CCDC141: variants seen among roughly 807,000 people sequenced by gnomAD.
CCDC141 encodes the protein coiled-coil domain-containing protein 141.
Under a neutral mutation model 181.0 loss-of-function variants are expected in CCDC141, and 168 were observed. The ratio of observed to expected loss-of-function variants is 0.93; its 90% CI spans 0.82 to 1.05. The LOEUF is 1.05. Ranked by LOEUF, CCDC141 falls within the 50% of genes least tolerant of loss-of-function variation. The pLI is 0.00. For missense variants in CCDC141, 1,902 were observed against 1,788.5 expected, an observed-to-expected ratio of 1.06 and a Z score of -1.14; for synonymous variants, 666 against 642.3, an observed-to-expected ratio of 1.04 and a Z score of -0.56.
At position 178,969,312 on chromosome 2, in the gene CCDC141, T is replaced by C. The variant is rs540190187; in HGVS notation, c.526+5745A>G. Among the ~76,000 whole-genome samples, 6 of 151,680 alleles carry C rather than the reference T, an allele frequency of 4.0e-5. No individual in the cohort carries two copies. The South Asian group carries it at 1.2e-3, about 32-fold the overall frequency. On this transcript the variant is annotated intron_variant, in intron 4 of 23. Coordinates refer to ENST00000443758, the MANE Select transcript of CCDC141 (RefSeq NM_173648.4). ...GAGACACAACAAAAAAGAAAATTTT[T>C]TTCTTTTAGAGCCCACAAATGGGAC...
chr2:178,834,462 T>C (rs1465823206), intron 23 of CCDC141, 22 bp from the exon 24 acceptor site: 1 of 1,533,766 alleles, frequency 6.5e-7, no homozygotes, highest in Non-Finnish European at 8.7e-7. Flanking sequence ...AGGCAGTTTT[T>C]AAAGTCAGGA....
intron 17 of CCDC141, among the ~76,000 whole-genome samples, chr2:178,859,768 A>C (rs1270486164): frequency 6.6e-6 from 1 of 152,218 alleles, no homozygotes; most frequent in Non-Finnish European, 1.5e-5. Context: ...TAGCAGAATG[A>C]GCATCTTTGC....
At chr2:178,960,082 G>C (rs1471434031) in intron 5 of CCDC141, among the ~76,000 whole-genome samples, 1 of 152,220 alleles carries the variant, frequency 6.6e-6, no homozygotes, top group Non-Finnish European at 1.5e-5. Flanking sequence ...ATAGAGGCCA[G>C]CAATGCTGCT....
At chr2:179,022,490 T>C (rs2042717168) in intron 2 of CCDC141, among the ~76,000 whole-genome samples, 1 of 152,194 alleles carries the variant, frequency 6.6e-6, no homozygotes, top group Non-Finnish European at 1.5e-5. Context: ...CTCTCTTCCC[T>C]GCCCCAAACA....
In CCDC141 at chr2:178,888,589, G is replaced by A; in HGVS notation, c.1345C>T (p.His449Tyr). The change falls in exon 9 of 24, where the codon CAC (histidine) becomes TAC (tyrosine). Residue 449 changes from histidine (H) to tyrosine (Y), a missense_variant. By Grantham distance (83) the His-to-Tyr change is moderately conservative. Transcript: ENST00000443758. ...VDHLTEQCSAHKEYALKKQQL... is the reference protein window; with the variant it reads ...VDHLTEQCSAYKEYALKKQQL... Reference sequence around the variant, plus strand: ...TGTTTCTTAAGAGCATATTCCTTGTGCGCTGAACACTGTTCGGTCAGATGA... The same window carrying A: ...TGTTTCTTAAGAGCATATTCCTTGTACGCTGAACACTGTTCGGTCAGATGA... The A allele has an allele frequency of 1.3e-6, 2 of 1,550,606 alleles. No individual in the cohort carries two copies. The highest frequency in any genetic ancestry group is 1.7e-6 in the Non-Finnish European group (2 of 1,146,848).
At chr2:178,894,234 T>C (rs1420520537) in intron 8 of CCDC141, among the ~76,000 whole-genome samples, 1 of 152,060 alleles carries the variant, frequency 6.6e-6, no homozygotes, top group East Asian at 1.9e-4. Context: ...CAGAAGTACA[T>C]TTTGATGCTG....
chr2:178,853,030 C>CAGTCTT (rs1685225555), intron 20 of CCDC141, among the ~76,000 whole-genome samples: 1 of 152,194 alleles, frequency 6.6e-6, no homozygotes, highest in African/African-American at 2.4e-5. Context: ...CTGGAGACTT[C>CAGTCTT]AGTCTTAGCT....
chr2:178,876,160 A>C (rs1217500438), intron 12 of CCDC141: 1 of 152,136 alleles, frequency 6.6e-6, no homozygotes, highest in African/African-American at 2.4e-5. Context: ...TTGCAGCTCC[A>C]AGTAGATGAG....
intron 14 of CCDC141, 43 bp from the exon 15 acceptor site, chr2:178,869,348 CT>C (rs35618897): frequency 7.1e-7 from 1 of 1,416,866 alleles, no homozygotes; most frequent in Non-Finnish European, 9.6e-7. Flanking sequence ...TATTAAAGAA[CT>C]TTTTTACTTT....
At chr2:179,004,231 T>C (rs1223758650) in intron 2 of CCDC141, among the ~76,000 whole-genome samples, 4 of 152,190 alleles carry the variant, frequency 2.6e-5, no homozygotes, top group Non-Finnish European at 5.9e-5. Flanking sequence ...GAGATACTGA[T>C]ATATTCCTCT....
At chr2:178,922,223 C>A (rs1688723823) in intron 6 of CCDC141, among the ~76,000 whole-genome samples, 2 of 152,124 alleles carry the variant, frequency 1.3e-5, no homozygotes, top group South Asian at 4.1e-4. Flanking sequence ...TGCATTATGT[C>A]ATTTAATTTT....
At chr2:178,911,721 A>T (rs1195470098) in intron 7 of CCDC141, among the ~76,000 whole-genome samples, 1 of 152,252 alleles carries the variant, frequency 6.6e-6, no homozygotes, top group Non-Finnish European at 1.5e-5. Flanking sequence ...TTCATCCGAC[A>T]AAAGTTTTTT....
Position 178,837,309 on chromosome 2 carries a change from C to T in CCDC141, c.3910G>A (p.Gly1304Arg). Residue 1304 changes from glycine (G) to arginine (R), a missense_variant, in exon 23 of 24, where the codon GGA (glycine) becomes AGA (arginine). Transcript: ENST00000443758. ...AAGGCAGTACTCTTTTCCACGAATC[C>T]TCTGGAGGTTAGTGGGGGCTCAGCT... is the stretch of plus-strand genomic sequence containing the variant. ...FKAEPPLTSRGFVEKSTALHR... is the reference protein window; with the variant it reads ...FKAEPPLTSRRFVEKSTALHR... 1.2e-6 allele frequency: 2 copies of T among 1,614,110 alleles called. No homozygotes were observed. The highest frequency in any genetic ancestry group is 1.7e-6 in the Non-Finnish European group (2 of 1,179,994).
chr2:178,989,391 C>G (rs564550965), intron 2 of CCDC141, among the ~76,000 whole-genome samples: 32 of 151,714 alleles, frequency 2.1e-4, no homozygotes, highest in African/African-American at 7.7e-4. Context: ...ATCAGGAGTT[C>G]GAGACCAGCC....
intron 7 of CCDC141, among the ~76,000 whole-genome samples, chr2:178,906,090 T>C (rs757546828): frequency 6.6e-6 from 1 of 152,138 alleles, no homozygotes; most frequent in Non-Finnish European, 1.5e-5. Flanking sequence ...TCTGAAGCCA[T>C]GCAAAGAGTA....
intron 4 of CCDC141, among the ~76,000 whole-genome samples, chr2:178,965,074 C>T (rs1014250063): frequency 2.0e-5 from 3 of 152,156 alleles, no homozygotes; most frequent in Non-Finnish European, 2.9e-5. Flanking sequence ...GATAGGTTTA[C>T]AGCTTGTTAA....
chr2:178,837,385 A>G lies in CCDC141; in HGVS notation c.3834T>C (p.Asp1278=). 1 of 1,614,048 alleles carries G rather than the reference A, an allele frequency of 6.2e-7. No individual in the cohort carries two copies. The highest frequency in any genetic ancestry group is 1.3e-5 in the African/African-American group (1 of 75,024). ...PPVAFADACN[D]KRETFSSHFE... is the part of the protein sequence containing the mutation. The stretch of plus-strand genomic sequence containing the variant: ...AATGACTTGAAAATGTTTCTCTCTT[A>G]TCATTGCATGCATCCGCAAAGGCAA... The change falls in exon 23 of 24, where the codon GAT becomes GAC. Residue 1278 remains aspartate, a synonymous_variant. Coordinates refer to ENST00000443758, the MANE Select transcript of CCDC141 (RefSeq NM_173648.4).
rs1380213271 is a variant in CCDC141 at position 178,837,622 on chromosome 2, G to A, written c.3597C>T (p.Asp1199=). Reference sequence around the variant, plus strand: ...ACTCATATTCTTCCCCTGAGAGCATGTCTTCAGGCAGGAGCAGGTCCTGGA... The same window carrying A: ...ACTCATATTCTTCCCCTGAGAGCATATCTTCAGGCAGGAGCAGGTCCTGGA... ...GGVQDLLLPE[D]MLSGEEYECV... The change falls in exon 23 of 24, where the codon GAC becomes GAT. Residue 1199 remains aspartate, a synonymous_variant. Coordinates refer to ENST00000443758, the MANE Select transcript of CCDC141 (RefSeq NM_173648.4). 8.7e-6 allele frequency: 14 copies of A among 1,613,940 alleles called. No individual in the cohort carries two copies. The highest frequency in any genetic ancestry group is 1.2e-5 in the Non-Finnish European group (14 of 1,179,974).
At chr2:178,980,638 G>A (rs1054725781) in intron 2 of CCDC141, among the ~76,000 whole-genome samples, 2 of 152,136 alleles carry the variant, frequency 1.3e-5, no homozygotes, top group East Asian at 3.8e-4. Flanking sequence ...GAAACTATTA[G>A]AGTGGATAAG....
Sources: gnomAD v4.1 joint callset for allele counts (sites outside exome capture counted in the v4.1 genomes callset) on GRCh38, gnomAD v4.1.1 for gene constraint, MANE v1.5 for transcripts, NCBI Gene and HGNC (gene_info 2026-07-23, HGNC 2026-07-21) for gene names.